The following CTNND2 variants were observed in gnomAD, a reference collection of about 807,000 sequenced individuals.
CTNND2 encodes catenin delta-2.
CTNND2 carries 22 observed loss-of-function variants against 144.4 expected under a neutral mutation model. That is an observed-to-expected ratio of 0.15 (90% CI 0.11 to 0.22). CTNND2 has a LOEUF of 0.22. Among genes scored for constraint, CTNND2 ranks in the 10% least tolerant of loss-of-function variants. CTNND2 has a pLI of 1.00. For missense variants in CTNND2, 1,353 were observed against 1,618.8 expected, an observed-to-expected ratio of 0.84 and a Z score of 2.82; for synonymous variants, 751 against 695.6, an observed-to-expected ratio of 1.08 and a Z score of -1.25.
chr5:11,441,043 T>C (rs551207036), intron 3 of CTNND2, among the ~76,000 whole-genome samples: 1 of 152,312 alleles, frequency 6.6e-6, no homozygotes, highest in East Asian at 1.9e-4. Context: ...ACTTTTGTTA[T>C]CTAAAGAGCT....
intron 9 of CTNND2, among the ~76,000 whole-genome samples, chr5:11,256,153 T>C (rs1195817868): frequency 6.6e-6 from 1 of 152,214 alleles, no homozygotes; most frequent in Non-Finnish European, 1.5e-5. Context: ...TCGGCTAACT[T>C]GGCCCCATCT....
intron 9 of CTNND2, among the ~76,000 whole-genome samples, chr5:11,318,060 G>A (rs1419974644): frequency 6.6e-6 from 1 of 152,166 alleles, no homozygotes; most frequent in East Asian, 1.9e-4. Flanking sequence ...GGTGCTCAGG[G>A]AACCCTCAGT....
chr5:11,707,482 G>A (rs548724097), intron 2 of CTNND2, among the ~76,000 whole-genome samples: 106 of 152,158 alleles, frequency 7.0e-4, no homozygotes, highest in South Asian at 1.9e-3. Flanking sequence ...ACAAATTCAG[G>A]ACCCTAAATG....
intron 13 of CTNND2, among the ~76,000 whole-genome samples, chr5:11,111,416 T>G (rs988259708): frequency 6.6e-6 from 1 of 152,030 alleles, no homozygotes; most frequent in African/African-American, 2.4e-5. Context: ...GATCGGGTAA[T>G]GAGGAATCAA....
chr5:11,237,834 C>T (rs1476078910), intron 9 of CTNND2, among the ~76,000 whole-genome samples: 1 of 152,122 alleles, frequency 6.6e-6, no homozygotes, highest in Non-Finnish European at 1.5e-5. Flanking sequence ...ATTTTTATTA[C>T]TGTTGTTATT....
rs912488589 is a variant in CTNND2, at chr5:11,632,940, A to G, written c.175-67884T>C. ...CGTACTTGAAGAAAGACCAGTAGAG[A>G]TTATGCAACATGAACAATAGACAGA... On this transcript the variant is annotated intron_variant, in intron 2 of 21. Coordinates refer to ENST00000304623, the MANE Select transcript of CTNND2 (RefSeq NM_001332.4). 7.9e-5 allele frequency among the ~76,000 whole-genome samples: 12 copies of G among 152,182 alleles called. No individual in the cohort carries two copies. In the East Asian group the frequency reaches 2.3e-3, roughly 29 times the overall value.
chr5:11,025,177 A>G (rs932900904), intron 16 of CTNND2, among the ~76,000 whole-genome samples: 1 of 152,206 alleles, frequency 6.6e-6, no homozygotes, highest in African/African-American at 2.4e-5. Flanking sequence ...TTTTAGTCCA[A>G]ATTTTTGACC....
intron 7 of CTNND2, among the ~76,000 whole-genome samples, chr5:11,381,599 T>C (rs1364817045): frequency 1.3e-5 from 2 of 152,230 alleles, no homozygotes; most frequent in Admixed American, 6.5e-5. Context: ...CACTCACCTA[T>C]GTCAGGACAG....
intron 2 of CTNND2, among the ~76,000 whole-genome samples, chr5:11,669,011 CTT>C (rs1209262276): frequency 6.6e-6 from 1 of 152,080 alleles, no homozygotes; most frequent in Admixed American, 6.5e-5. Context: ...TTCTGCATCT[CTT>C]GAGATAATCA....
At position 11,825,511 on chromosome 5, in the gene CTNND2, G is replaced by T. The variant is rs553553446; in HGVS notation, c.37+78306C>A. On this transcript the variant is annotated intron_variant, in intron 1 of 21. Coordinates refer to ENST00000304623, the MANE Select transcript of CTNND2 (RefSeq NM_001332.4). ...GACTCCCAGAAGAAGAGGAAAGAAT[G>T]AGGCAGAAGAACTATGTGAAGAAAT... 6.6e-5 allele frequency among the ~76,000 whole-genome samples: 10 copies of T among 152,248 alleles called. No homozygotes were observed. The South Asian group carries it at 2.1e-3, about 32-fold the overall frequency.
rs146012128 is a variant in CTNND2 at position 11,456,560 on chromosome 5, G to T, written c.288-44491C>A. Reference sequence around the variant, plus strand: ...CATCTATATTTCAACCCCAATACCTGGGAAGGTTGCCTCAAACATGTTCTG... The same window carrying T: ...CATCTATATTTCAACCCCAATACCTTGGAAGGTTGCCTCAAACATGTTCTG... On this transcript the variant is annotated intron_variant, in intron 3 of 21. Transcript: ENST00000304623. 6.9e-3 allele frequency among the ~76,000 whole-genome samples: 1,044 copies of T among 151,996 alleles called. 3 individuals are homozygous for T. Among genetic ancestry groups the T allele is most frequent in the Non-Finnish European group, 0.012 (832 of 67,980 alleles).
chr5:11,518,879 C>G (rs1772450207), intron 3 of CTNND2, among the ~76,000 whole-genome samples: 2 of 152,156 alleles, frequency 1.3e-5, no homozygotes, highest in African/African-American at 2.4e-5. Flanking sequence ...ACACATTTCT[C>G]AGAACTCAGG....
chr5:11,560,129 G>C (rs890000613), intron 3 of CTNND2, among the ~76,000 whole-genome samples: 1 of 152,194 alleles, frequency 6.6e-6, no homozygotes, highest in African/African-American at 2.4e-5. Context: ...AGCATGAAAT[G>C]AGGCAACATG....
chr5:11,775,507 C>A (rs2126835655), intron 1 of CTNND2, among the ~76,000 whole-genome samples: 1 of 152,332 alleles, frequency 6.6e-6, no homozygotes, highest in Non-Finnish European at 1.5e-5. Flanking sequence ...TCTCTTGCTA[C>A]TTGATATCAC....
intron 16 of CTNND2, among the ~76,000 whole-genome samples, chr5:11,067,140 T>C (rs1033843736): frequency 3.9e-5 from 6 of 152,204 alleles, no homozygotes; most frequent in African/African-American, 2.4e-5. Context: ...AAACACTGCC[T>C]CACATCCCCT....
At chr5:11,435,799 A>G (rs62337482) in intron 3 of CTNND2, among the ~76,000 whole-genome samples, 12,064 of 152,238 alleles carry the variant, frequency 0.079, 529 homozygotes, top group South Asian at 0.11. Flanking sequence ...CTTTAGGAAC[A>G]CAGTTCTATT....
chr5:11,406,475 C>T (rs1328543199), intron 5 of CTNND2, among the ~76,000 whole-genome samples: 2 of 152,138 alleles, frequency 1.3e-5, no homozygotes, highest in Non-Finnish European at 2.9e-5. Context: ...ATTTACTCTC[C>T]TAAGACCTCT....
At chr5:11,258,199 G>T (rs1744475455) in intron 9 of CTNND2, among the ~76,000 whole-genome samples, 1 of 152,118 alleles carries the variant, frequency 6.6e-6, no homozygotes, top group South Asian at 2.1e-4. Context: ...GCCCATCAGG[G>T]AACCAACATA....
At chr5:11,183,769 G>T (rs1216849312) in intron 11 of CTNND2, among the ~76,000 whole-genome samples, 1 of 151,738 alleles carries the variant, frequency 6.6e-6, no homozygotes, top group East Asian at 1.9e-4. Flanking sequence ...ATGTTGGCCA[G>T]GCTGGTCTCG....
Sources: gnomAD v4.1 joint callset for allele counts (sites outside exome capture counted in the v4.1 genomes callset) on GRCh38, gnomAD v4.1.1 for gene constraint, MANE v1.5 for transcripts, NCBI Gene and HGNC (gene_info 2026-07-23, HGNC 2026-07-21) for gene names.